SORCS2: variants seen among roughly 807,000 people sequenced by gnomAD.
SORCS2 encodes sortilin related VPS10 domain containing receptor 2.
In SORCS2, 100 loss-of-function variants were observed where a neutral mutation model predicts 141.6. That is an observed-to-expected ratio of 0.71 (90% CI 0.60 to 0.83). The LOEUF (loss-of-function observed/expected upper bound fraction) is 0.83, where lower values mean the gene tolerates loss of function less well. SORCS2 is among the 40% of genes least tolerant of loss of function. SORCS2 has a pLI of 0.00. For missense variants in SORCS2, 1,646 were observed against 1,560.2 expected, an observed-to-expected ratio of 1.05 and a Z score of -0.93; for synonymous variants, 789 against 676.9, an observed-to-expected ratio of 1.17 and a Z score of -2.57.
chr4:7,264,516 A>G (rs1049980785), intron 1 of SORCS2, among the ~76,000 whole-genome samples: 1 of 152,156 alleles, frequency 6.6e-6, no homozygotes, highest in African/African-American at 2.4e-5. Context: ...GGCTATCCAC[A>G]GGAAATCACA....
intron 1 of SORCS2, among the ~76,000 whole-genome samples, chr4:7,208,141 G>A (rs1289090358): frequency 6.6e-6 from 1 of 152,090 alleles, no homozygotes; most frequent in East Asian, 1.9e-4. Context: ...AGACCACCGA[G>A]GCGGCCCCCA....
chr4:7,324,989 C>T (rs997069840), intron 1 of SORCS2, among the ~76,000 whole-genome samples: 3 of 152,218 alleles, frequency 2.0e-5, no homozygotes, highest in Admixed American at 6.5e-5. Flanking sequence ...GTCTCTCAAC[C>T]TCTCCGTGAG....
intron 1 of SORCS2, among the ~76,000 whole-genome samples, chr4:7,287,749 T>C (rs1207082505): frequency 6.6e-6 from 1 of 152,220 alleles, no homozygotes; most frequent in Non-Finnish European, 1.5e-5. Flanking sequence ...TCTGGTGTAT[T>C]GATCCCGTGC....
At chr4:7,491,570 G>A (rs963475793) in intron 2 of SORCS2, among the ~76,000 whole-genome samples, 3 of 152,232 alleles carry the variant, frequency 2.0e-5, no homozygotes, top group African/African-American at 7.2e-5. Flanking sequence ...GGACCTCTCT[G>A]GATTGACTTC....
chr4:7,445,773 G>A (rs1282494578), intron 2 of SORCS2, among the ~76,000 whole-genome samples: 1 of 152,188 alleles, frequency 6.6e-6, no homozygotes, highest in Non-Finnish European at 1.5e-5. Flanking sequence ...CTCCTGGGTT[G>A]CTGGGGGCTG....
chr4:7,294,667 CCCTCCT>C (rs138190603), intron 1 of SORCS2, among the ~76,000 whole-genome samples: 190 of 94,078 alleles, frequency 2.0e-3, no homozygotes, highest in Middle Eastern at 6.8e-3. Flanking sequence ...CTCTTCCTCT[CCCTCCT>C]CCTCCTCCTC....
rs527901892 is a variant in SORCS2 at position 7,558,913 on chromosome 4, G to A, written c.648+27284G>A. On this transcript the variant is annotated intron_variant, in intron 3 of 26. Coordinates refer to ENST00000507866, the MANE Select transcript of SORCS2 (RefSeq NM_020777.3). ...CCAGGCCCCCACATGGCTAACCTCC[G>A]AGGACCTTTTCTGTCCTCCTGTGCC... Among the ~76,000 whole-genome samples the A allele has an allele frequency of 2.3e-4, 35 of 152,282 alleles. No individual in the cohort carries two copies. The South Asian group carries it at 6.6e-3, about 29-fold the overall frequency.
intron 1 of SORCS2, among the ~76,000 whole-genome samples, chr4:7,376,758 G>A (rs1400572273): frequency 6.6e-6 from 1 of 152,132 alleles, no homozygotes; most frequent in African/African-American, 2.4e-5. Context: ...TACAAAGAAG[G>A]GATCGTGACC....
chr4:7,649,857 T>C (rs1425296619), intron 4 of SORCS2, among the ~76,000 whole-genome samples: 1 of 152,112 alleles, frequency 6.6e-6, no homozygotes, highest in Non-Finnish European at 1.5e-5. Flanking sequence ...CATGATGTCG[T>C]TGGTTCGTCA....
intron 3 of SORCS2, among the ~76,000 whole-genome samples, chr4:7,613,079 C>G (rs754332638): frequency 2.0e-5 from 3 of 152,234 alleles, no homozygotes; most frequent in Non-Finnish European, 4.4e-5. Flanking sequence ...CTTGAGGTCC[C>G]AGGCCTGTAG....
At position 7,291,808 on chromosome 4, in the gene SORCS2, G is replaced by C. The variant is rs564459006; in HGVS notation, c.480+98682G>C. Among the ~76,000 whole-genome samples, 12 of 152,324 alleles carry C rather than the reference G, an allele frequency of 7.9e-5. No individual in the cohort carries two copies. The South Asian group carries it at 2.1e-3, about 26-fold the overall frequency. On this transcript the variant is annotated intron_variant, in intron 1 of 26. Coordinates refer to ENST00000507866, the MANE Select transcript of SORCS2 (RefSeq NM_020777.3). The stretch of plus-strand genomic sequence containing the variant: ...ATTCATCTTTATGGACACGGAAGCC[G>C]ATATGCAAAGAGGAAGGTCTCCAGG...
rs114157796 is a variant in SORCS2, at chr4:7,218,648, T to C, written c.480+25522T>C. ...AGCACGATTAGATGCCTTTTCTGCA[T>C]TTAACTAAAGATTGATTCCAGACTA... On this transcript the variant is annotated intron_variant, in intron 1 of 26. Coordinates refer to ENST00000507866, the MANE Select transcript of SORCS2 (RefSeq NM_020777.3). 7.1e-3 allele frequency among the ~76,000 whole-genome samples: 1,088 copies of C among 152,336 alleles called. 14 individuals are homozygous for C. Among genetic ancestry groups the C allele is most frequent in the African/African-American group, 0.024 (999 of 41,574 alleles).
chr4:7,350,513 C>G (rs1229402807), intron 1 of SORCS2, among the ~76,000 whole-genome samples: 1 of 152,230 alleles, frequency 6.6e-6, no homozygotes, highest in Non-Finnish European at 1.5e-5. Context: ...GGCAGCGTGG[C>G]TGGGCCTGCA....
intron 4 of SORCS2, among the ~76,000 whole-genome samples, chr4:7,645,549 G>T (rs62290666): frequency 6.6e-6 from 1 of 152,218 alleles, no homozygotes; most frequent in Admixed American, 6.5e-5. Context: ...ACAGCTCAGT[G>T]CCTGGCTCCG....
At chr4:7,517,342 T>A (rs575641736) in intron 2 of SORCS2, among the ~76,000 whole-genome samples, 2 of 152,300 alleles carry the variant, frequency 1.3e-5, no homozygotes, top group South Asian at 4.2e-4. Flanking sequence ...TTGTGTTAAT[T>A]GTGTCTTATT....
intron 1 of SORCS2, among the ~76,000 whole-genome samples, chr4:7,216,158 C>T (rs370004319): frequency 2.6e-5 from 4 of 152,264 alleles, no homozygotes; most frequent in East Asian, 3.9e-4. Flanking sequence ...CCAGACGCGC[C>T]GCCTTAAGAA....
In SORCS2 at chr4:7,297,891, T is replaced by C. The variant is rs148237695; in HGVS notation, c.481-98397T>C. Among the ~76,000 whole-genome samples the C allele has an allele frequency of 7.8e-3, 1,188 of 152,362 alleles. 6 individuals are homozygous for C. Among genetic ancestry groups the C allele is most frequent in the Non-Finnish European group, 0.011 (780 of 68,028 alleles). On this transcript the variant is annotated intron_variant, in intron 1 of 26. Transcript: ENST00000507866. ...CCCAGCCCTGTCTGTCCTCTGGCTG[T>C]GACTCTCTGCAAGGGCCAGAGAATC... is the stretch of plus-strand genomic sequence containing the variant.
chr4:7,674,236 C>G (rs1375417151), intron 8 of SORCS2, among the ~76,000 whole-genome samples: 1 of 152,046 alleles, frequency 6.6e-6, no homozygotes, highest in Non-Finnish European at 1.5e-5. Flanking sequence ...GACTGTGGCT[C>G]CTGCCACTGT....
At chr4:7,464,521 T>C (rs10031766) in intron 2 of SORCS2, among the ~76,000 whole-genome samples, 84,541 of 151,876 alleles carry the variant, frequency 0.56, 24,610 homozygotes, top group African/African-American at 0.69. Flanking sequence ...CGAGGGGAAG[T>C]GTGCTGCAGA....
Sources: gnomAD v4.1 joint callset for allele counts (sites outside exome capture counted in the v4.1 genomes callset) on GRCh38, gnomAD v4.1.1 for gene constraint, MANE v1.5 for transcripts, NCBI Gene and HGNC (gene_info 2026-07-23, HGNC 2026-07-21) for gene names.